Variants in TLCD4 observed in about 807,000 individuals in gnomAD.
TLCD4 encodes the protein TLC domain-containing protein 4.
A neutral mutation model predicts 24.2 loss-of-function variants in TLCD4; 7 were observed. That is an observed-to-expected ratio of 0.29 (90% CI 0.16 to 0.54). TLCD4 has a LOEUF of 0.54. TLCD4 is among the 20% of genes least tolerant of loss of function. The pLI is 0.95. For missense variants in TLCD4, 259 were observed against 313.9 expected (o/e 0.82, Z 1.32); for synonymous variants, 103 against 106.4 (o/e 0.97, Z 0.20).
chr1:95,177,193 A>G (rs1474877247), intron 6 of TLCD4, among the ~76,000 whole-genome samples: 1 of 152,148 alleles, frequency 6.6e-6, no homozygotes, highest in African/African-American at 2.4e-5. Context: ...TCAGTTTTCT[A>G]TCCTTACTGT....
chr1:95,188,261 G>A (rs1328337247), intron 6 of TLCD4, among the ~76,000 whole-genome samples: 4 of 151,918 alleles, frequency 2.6e-5, no homozygotes, highest in Non-Finnish European at 4.4e-5. Context: ...GGTGGCGGGC[G>A]CCTGTAGTCC....
chr1:95,188,432 A>G (rs185304015), intron 6 of TLCD4, among the ~76,000 whole-genome samples: 3 of 151,790 alleles, frequency 2.0e-5, no homozygotes, highest in Admixed American at 6.6e-5. Flanking sequence ...AAACAGTTCA[A>G]TACATTACAC....
In TLCD4 at chr1:95,143,909, T is replaced by A. The variant is rs760462341; in HGVS notation, c.8T>A (p.Ile3Asn). ME[I>N]NTKLLISVTC... ...TTAACAGGTTGAAGAAATATGGAGATCAACACAAAACTGCTCATCAGTGTT... is the reference window on the plus strand; with the variant it reads ...TTAACAGGTTGAAGAAATATGGAGAACAACACAAAACTGCTCATCAGTGTT... Residue 3 changes from isoleucine to asparagine, a missense_variant, in exon 2 of 7, where the codon ATC becomes AAC. Transcript: ENST00000370203. The A allele has an allele frequency of 2.8e-6, 4 of 1,436,330 alleles. No homozygotes were observed. The highest frequency in any genetic ancestry group is 3.7e-6 in the Non-Finnish European group (4 of 1,090,754). 89.0% of individuals were successfully genotyped at this position (1,436,330 alleles called of 1,614,324 possible). A position where few individuals can be genotyped will look rare whatever the true frequency, so the allele number is the denominator to read the frequency against.
At chr1:95,092,959 G>A in the TLCD4 span, among the ~76,000 whole-genome samples, 1 of 152,160 alleles carries the variant, frequency 6.6e-6, no homozygotes, top group Admixed American at 6.5e-5. Context: ...GGCTGGTCTT[G>A]AACTCCTGAC....
In TLCD4 at chr1:95,181,804, A is replaced by G. The variant is rs538744219; in HGVS notation, c.473+7915A>G. On this transcript the variant is annotated intron_variant, in intron 6 of 6. Coordinates refer to ENST00000370203, the MANE Select transcript of TLCD4 (RefSeq NM_152487.3). The stretch of plus-strand genomic sequence containing the variant: ...CCGGCTAATTTTTTGTATGTTTAGT[A>G]CAGACTGGGTTTCACTATGTTGGCC... Among the ~76,000 whole-genome samples, 154 of 152,118 alleles carry G rather than the reference A, an allele frequency of 1.0e-3. 1 individual carries two copies. Among genetic ancestry groups the G allele is most frequent in the African/African-American group, 3.7e-3 (152 of 41,514 alleles).
chr1:95,177,976 A>G (rs1321492813), intron 6 of TLCD4, among the ~76,000 whole-genome samples: 1 of 137,230 alleles, frequency 7.3e-6, no homozygotes, highest in Non-Finnish European at 1.5e-5. Context: ...TTGGAGATAG[A>G]GTCTCGCTCC....
At position 95,143,893 on chromosome 1, in the gene TLCD4, T is replaced by G; in HGVS notation, c.-9T>G. Reference sequence around the variant, plus strand: ...ATAGCTGTCATTTATCTTAACAGGTTGAAGAAATATGGAGATCAACACAAA... The same window carrying G: ...ATAGCTGTCATTTATCTTAACAGGTGGAAGAAATATGGAGATCAACACAAA... On this transcript the variant is annotated splice_region_variant and 5_prime_UTR_variant, in exon 2 of 7. Coordinates refer to ENST00000370203, the MANE Select transcript of TLCD4 (RefSeq NM_152487.3). The G allele has an allele frequency of 2.1e-6, 3 of 1,395,842 alleles. No individual in the cohort carries two copies. Among genetic ancestry groups the G allele is most frequent in the Non-Finnish European group, 2.8e-6 (3 of 1,067,796 alleles). The allele number at this position is 1,395,842 out of a possible 1,614,324, so 86.5% of individuals were successfully genotyped here. A position where few individuals can be genotyped will look rare whatever the true frequency, so the allele number is the denominator to read the frequency against.
chr1:95,153,139 G>A (rs72722135), intron 5 of TLCD4, among the ~76,000 whole-genome samples: 2,761 of 151,646 alleles, frequency 0.018, 39 homozygotes, highest in East Asian at 0.091. Flanking sequence ...GATCCTGGCT[G>A]GGCAGAAGGG....
chr1:95,141,836 G>C (rs939547809), intron 1 of TLCD4, among the ~76,000 whole-genome samples: 68 of 75,396 alleles, frequency 9.0e-4, no homozygotes, highest in African/African-American at 2.1e-3. Flanking sequence ...CACACACAAA[G>C]AATGAGGAAA....
rs1677280689 is a variant in TLCD4, at chr1:95,143,945, G to C, written c.44G>C (p.Ser15Thr). 1 of 1,564,860 alleles carries C rather than the reference G, an allele frequency of 6.4e-7. No individual in the cohort carries two copies. Among genetic ancestry groups the C allele is most frequent in the Non-Finnish European group, 8.6e-7 (1 of 1,157,176 alleles). Residue 15 changes from serine (S) to threonine (T), a missense_variant, in exon 2 of 7, where the codon AGC (serine) becomes ACC (threonine). Coordinates refer to ENST00000370203, the MANE Select transcript of TLCD4 (RefSeq NM_152487.3). The part of the protein sequence containing the change: ...TKLLISVTCI[S>T]FFTFQLLFYF... ...CTGCTCATCAGTGTTACCTGTATCA[G>C]CTTTTTCACCTTTCAGCTTCTTTTC...
rs939893706 is a variant in TLCD4 at position 95,142,716 on chromosome 1, C to G, written c.-11-1175C>G. Reference sequence around the variant, plus strand: ...CCTGTAATCCCAGCACTTTAGGAGGCTGAGGTGGGCAGATCACGAGGTCAG... The same window carrying G: ...CCTGTAATCCCAGCACTTTAGGAGGGTGAGGTGGGCAGATCACGAGGTCAG... On this transcript the variant is annotated intron_variant, in intron 1 of 6. Coordinates refer to ENST00000370203, the MANE Select transcript of TLCD4 (RefSeq NM_152487.3). 4.1e-4 allele frequency among the ~76,000 whole-genome samples: 63 copies of G among 152,162 alleles called. 1 individual carries two copies. The highest frequency in any genetic ancestry group is 1.5e-3 in the African/African-American group (62 of 41,536).
At chr1:95,104,663 CAA>C in the TLCD4 span, among the ~76,000 whole-genome samples, 23 of 40,614 alleles carry the variant, frequency 5.7e-4, 2 homozygotes, top group South Asian at 1.1e-3. Flanking sequence ...GACTCCGTCT[CAA>C]AAAAAAAAAA....
chr1:95,159,546 T>C (rs1258873365), intron 5 of TLCD4, among the ~76,000 whole-genome samples: 2 of 152,234 alleles, frequency 1.3e-5, no homozygotes, highest in South Asian at 2.1e-4. Context: ...TTTGTTGCCA[T>C]TGCTTTTGGT....
the TLCD4 span, among the ~76,000 whole-genome samples, chr1:95,098,319 T>C: frequency 6.6e-6 from 1 of 152,236 alleles, no homozygotes; most frequent in Non-Finnish European, 1.5e-5. Flanking sequence ...CCTTATTCTC[T>C]TGCTTAAAAT....
At chr1:95,158,912 G>A (rs1245476113) in intron 5 of TLCD4, among the ~76,000 whole-genome samples, 2 of 152,110 alleles carry the variant, frequency 1.3e-5, no homozygotes, top group African/African-American at 2.4e-5. Flanking sequence ...TATCATTGAC[G>A]GACATTTGGG....
intron 6 of TLCD4, among the ~76,000 whole-genome samples, chr1:95,184,423 A>C (rs1021011464): frequency 6.6e-6 from 1 of 152,056 alleles, no homozygotes; most frequent in Non-Finnish European, 1.5e-5. Flanking sequence ...TAGAGCAAAT[A>C]ATTCCTAGTT....
chr1:95,153,989 T>A (rs551987280), intron 5 of TLCD4, among the ~76,000 whole-genome samples: 2 of 152,240 alleles, frequency 1.3e-5, no homozygotes, highest in East Asian at 3.9e-4. Context: ...ATTGGAAGAT[T>A]ATCACAATGG....
chr1:95,159,891 C>G (rs1321086372), intron 5 of TLCD4, among the ~76,000 whole-genome samples: 1 of 152,150 alleles, frequency 6.6e-6, no homozygotes, highest in African/African-American at 2.4e-5. Context: ...CAGTACCATG[C>G]TGTTTTGGTT....
At chr1:95,187,856 G>T (rs1054788015) in intron 6 of TLCD4, among the ~76,000 whole-genome samples, 1 of 152,008 alleles carries the variant, frequency 6.6e-6, no homozygotes, top group African/African-American at 2.4e-5. Flanking sequence ...TGCCTGCAGG[G>T]TTGGTTCTTG....
Sources: allele counts gnomAD v4.1 joint callset (sites outside exome capture counted in the v4.1 genomes callset), GRCh38; gene constraint gnomAD v4.1.1; transcripts MANE v1.5; gene names NCBI Gene and HGNC (gene_info 2026-07-23, HGNC 2026-07-21).